Variants in GALNTL6 observed in about 807,000 individuals in gnomAD.
GALNTL6 encodes the protein polypeptide N-acetylgalactosaminyltransferase like 6.
GALNTL6 carries 46 observed loss-of-function variants against 73.7 expected under a neutral mutation model. The observed-to-expected ratio is 0.62, with a 90% confidence interval of 0.49 to 0.80. The LOEUF is 0.80. GALNTL6 is among the 30% of genes least tolerant of loss of function. GALNTL6 has a pLI of 0.00. For missense variants in GALNTL6, 604 were observed against 755.0 expected (o/e 0.80, Z 2.34); for synonymous variants, 259 against 263.7 (o/e 0.98, Z 0.17).
intron 5 of GALNTL6, among the ~76,000 whole-genome samples, chr4:172,555,994 C>G (rs1429504209): frequency 6.6e-6 from 1 of 151,964 alleles, no homozygotes; most frequent in African/African-American, 2.4e-5. Context: ...GTCTAGATTG[C>G]TTTGTTTTTG....
rs139130203 is a variant in GALNTL6, at chr4:172,375,015, A to G, written c.553+26326A>G. 4.8e-3 allele frequency among the ~76,000 whole-genome samples: 738 copies of G among 152,208 alleles called. 6 individuals are homozygous for G. The highest frequency in any genetic ancestry group is 0.016 in the African/African-American group (682 of 41,526). On this transcript the variant is annotated intron_variant, in intron 5 of 12. Coordinates refer to ENST00000506823, the MANE Select transcript of GALNTL6 (RefSeq NM_001034845.3). Reference sequence around the variant, plus strand: ...CCCCCTATAGCTTGAAGAGGACATAACCGATAGCCTGGGGGGTTAGTGGTC... The same window carrying G: ...CCCCCTATAGCTTGAAGAGGACATAGCCGATAGCCTGGGGGGTTAGTGGTC...
At chr4:172,078,126 C>G (rs552136070) in intron 2 of GALNTL6, among the ~76,000 whole-genome samples, 1 of 152,124 alleles carries the variant, frequency 6.6e-6, no homozygotes, top group South Asian at 2.1e-4. Context: ...GCCTGGATGT[C>G]CAGGCAGTAG....
intron 5 of GALNTL6, among the ~76,000 whole-genome samples, chr4:172,370,320 C>T (rs529529383): frequency 3.2e-4 from 49 of 152,024 alleles, no homozygotes; most frequent in Middle Eastern, 3.4e-3. Flanking sequence ...GGTCCAAAGG[C>T]GAGTAACAGC....
intron 2 of GALNTL6, among the ~76,000 whole-genome samples, chr4:172,126,653 C>T (rs952798150): frequency 6.6e-6 from 1 of 152,156 alleles, no homozygotes; most frequent in African/African-American, 2.4e-5. Context: ...CCTAGACCCT[C>T]GGAGTCCCTG....
At chr4:172,521,279 A>C (rs940265636) in intron 5 of GALNTL6, among the ~76,000 whole-genome samples, 18 of 152,120 alleles carry the variant, frequency 1.2e-4, no homozygotes, top group Admixed American at 4.6e-4. Context: ...GACAATTTGC[A>C]AATAGCCTTT....
At chr4:172,713,121 T>C (rs982881004) in intron 5 of GALNTL6, among the ~76,000 whole-genome samples, 25 of 152,108 alleles carry the variant, frequency 1.6e-4, no homozygotes, top group Non-Finnish European at 2.9e-4. Flanking sequence ...TTAGTTTTTT[T>C]CCCCTAGGTA....
At chr4:172,223,818 A>C (rs1213306006) in intron 2 of GALNTL6, among the ~76,000 whole-genome samples, 1 of 152,164 alleles carries the variant, frequency 6.6e-6, no homozygotes, top group African/African-American at 2.4e-5. Context: ...CTTAGTATTC[A>C]TGTGGATAAA....
intron 4 of GALNTL6, among the ~76,000 whole-genome samples, chr4:172,339,679 A>G (rs1741492148): frequency 6.6e-6 from 1 of 152,180 alleles, no homozygotes; most frequent in Admixed American, 6.5e-5. Context: ...CCTCTCCCCA[A>G]GTTAGCTCCA....
At chr4:172,666,521 A>G (rs1731674858) in intron 5 of GALNTL6, among the ~76,000 whole-genome samples, 1 of 152,130 alleles carries the variant, frequency 6.6e-6, no homozygotes, top group African/African-American at 2.4e-5. Context: ...ACACACAAAA[A>G]AAATTCTGTG....
At chr4:172,875,744 C>A (rs1278487098) in intron 7 of GALNTL6, among the ~76,000 whole-genome samples, 1 of 151,526 alleles carries the variant, frequency 6.6e-6, no homozygotes, top group Non-Finnish European at 1.5e-5. Context: ...CACACACACA[C>A]ACACACACAC....
intron 3 of GALNTL6, among the ~76,000 whole-genome samples, chr4:172,261,028 C>A (rs1299913517): frequency 6.6e-6 from 1 of 151,288 alleles, no homozygotes; most frequent in East Asian, 1.9e-4. Flanking sequence ...AGGATTTTTG[C>A]ATCTGTGTTC....
At chr4:171,968,845 G>C (rs1307054681) in intron 2 of GALNTL6, among the ~76,000 whole-genome samples, 1 of 149,104 alleles carries the variant, frequency 6.7e-6, no homozygotes, top group African/African-American at 2.5e-5. Context: ...GCGGGGTGGG[G>C]GGGGGGTTGG....
At chr4:172,299,302 T>A (rs1361801569) in intron 3 of GALNTL6, among the ~76,000 whole-genome samples, 1 of 152,206 alleles carries the variant, frequency 6.6e-6, no homozygotes, top group Non-Finnish European at 1.5e-5. Flanking sequence ...ATGTTGTTGA[T>A]CTTTTCAAAA....
At chr4:171,920,571 A>G (rs530865369) in intron 2 of GALNTL6, among the ~76,000 whole-genome samples, 10 of 152,264 alleles carry the variant, frequency 6.6e-5, no homozygotes, top group East Asian at 1.9e-4. Flanking sequence ...AATGCAACAC[A>G]TGTAAAAGTA....
intron 2 of GALNTL6, among the ~76,000 whole-genome samples, chr4:171,925,729 A>G (rs1226541642): frequency 6.6e-6 from 1 of 152,186 alleles, no homozygotes; most frequent in Non-Finnish European, 1.5e-5. Flanking sequence ...GAAGACATCT[A>G]TTTAAAAAAT....
At chr4:171,856,384 A>C (rs4505785) in intron 2 of GALNTL6, among the ~76,000 whole-genome samples, 10 of 151,798 alleles carry the variant, frequency 6.6e-5, no homozygotes, top group African/African-American at 2.4e-4. Flanking sequence ...CAAAGTGCTG[A>C]GGTTACACAT....
At chr4:172,297,752 T>C (rs1183721812) in intron 3 of GALNTL6, among the ~76,000 whole-genome samples, 3 of 152,208 alleles carry the variant, frequency 2.0e-5, no homozygotes, top group Admixed American at 6.5e-5. Flanking sequence ...TTGGTTACTG[T>C]TGCCTTGTAG....
At chr4:172,606,566 C>T (rs1255537688) in intron 5 of GALNTL6, among the ~76,000 whole-genome samples, 5 of 133,718 alleles carry the variant, frequency 3.7e-5, no homozygotes, top group Non-Finnish European at 3.1e-5. Context: ...TATATATATA[C>T]ATATACATAG....
intron 2 of GALNTL6, among the ~76,000 whole-genome samples, chr4:171,866,999 A>G (rs979203661): frequency 6.6e-6 from 1 of 152,174 alleles, no homozygotes; most frequent in Non-Finnish European, 1.5e-5. Flanking sequence ...TTTATAAACT[A>G]ATAATTATTA....
Sources: gnomAD v4.1 joint callset for allele counts (sites outside exome capture counted in the v4.1 genomes callset) on GRCh38, gnomAD v4.1.1 for gene constraint, MANE v1.5 for transcripts, NCBI Gene and HGNC (gene_info 2026-07-23, HGNC 2026-07-21) for gene names.